The following MINDY3 variants were observed in gnomAD, a reference collection of about 807,000 sequenced individuals.
MINDY3 encodes ubiquitin carboxyl-terminal hydrolase MINDY-3.
In MINDY3, 38 loss-of-function variants were observed where a neutral mutation model predicts 69.2. That is an observed-to-expected ratio of 0.55 (90% CI 0.42 to 0.72). The LOEUF is 0.72. Ranked by LOEUF, MINDY3 falls within the 30% of genes least tolerant of loss-of-function variation. The pLI is 0.00. For missense variants in MINDY3, 522 were observed against 519.0 expected (o/e 1.01, Z -0.06); for synonymous variants, 192 against 180.1 (o/e 1.07, Z -0.53).
chr10:15,828,415 T>C (rs913366305), intron 8 of MINDY3, among the ~76,000 whole-genome samples: 4 of 152,042 alleles, frequency 2.6e-5, no homozygotes, highest in Non-Finnish European at 4.4e-5. Flanking sequence ...AGGGCTGGCG[T>C]GGAAGGAAGT....
In MINDY3 at chr10:15,819,167, C is replaced by A. The variant is rs566651152; in HGVS notation, c.802-2252G>T. Reference sequence around the variant, plus strand: ...AAATGATATTGCAAAATGTTAATTTCATCTTTAAAGGGAAATCTGCTACAC... The same window carrying A: ...AAATGATATTGCAAAATGTTAATTTAATCTTTAAAGGGAAATCTGCTACAC... On this transcript the variant is annotated intron_variant, in intron 9 of 14. Coordinates refer to ENST00000277632, the MANE Select transcript of MINDY3 (RefSeq NM_024948.4). Among the ~76,000 whole-genome samples, 11 of 152,168 alleles carry A rather than the reference C, an allele frequency of 7.2e-5. No homozygotes were observed. In the East Asian group the frequency reaches 2.1e-3, roughly 29 times the overall value.
At chr10:15,784,581 C>G (rs143370888) in intron 13 of MINDY3, among the ~76,000 whole-genome samples, 2 of 152,228 alleles carry the variant, frequency 1.3e-5, no homozygotes, top group East Asian at 3.9e-4. Flanking sequence ...CCCATCTCTA[C>G]TAAGGATACA....
At chr10:15,818,971 A>G (rs1346652338) in intron 9 of MINDY3, among the ~76,000 whole-genome samples, 1 of 147,420 alleles carries the variant, frequency 6.8e-6, no homozygotes, top group Non-Finnish European at 1.5e-5. Context: ...TAAAATGGTG[A>G]ATCTCCTGGT....
At chr10:15,853,986 G>C (rs922256558) in intron 1 of MINDY3, among the ~76,000 whole-genome samples, 4 of 152,130 alleles carry the variant, frequency 2.6e-5, no homozygotes, top group Middle Eastern at 6.8e-3. Flanking sequence ...AGAAACAAAC[G>C]TGACTTCTGG....
At chr10:15,841,718 A>G (rs569124333) in intron 3 of MINDY3, 119 bp from the exon 4 acceptor site, 9 of 537,674 alleles carry the variant, frequency 1.7e-5, no homozygotes, top group Non-Finnish European at 2.5e-5. Flanking sequence ...AAAATGGGGG[A>G]AAAATCTCTA....
chr10:15,851,604 A>T (rs1400966504), intron 1 of MINDY3, among the ~76,000 whole-genome samples: 2 of 151,976 alleles, frequency 1.3e-5, no homozygotes. Context: ...CGTATCTTTA[A>T]CGTGTCCATT....
At chr10:15,802,868 A>G (rs1202697387) in intron 10 of MINDY3, among the ~76,000 whole-genome samples, 3 of 152,144 alleles carry the variant, frequency 2.0e-5, no homozygotes, top group Non-Finnish European at 4.4e-5. Flanking sequence ...ACTAACAGCT[A>G]ATTTGGTCAA....
chr10:15,783,276 C>T (rs1438193179), intron 13 of MINDY3, among the ~76,000 whole-genome samples: 2 of 152,166 alleles, frequency 1.3e-5, no homozygotes, highest in Non-Finnish European at 2.9e-5. Context: ...TTTTCCCCCT[C>T]ACTTATGCCA....
chr10:15,786,687 A>T (rs576152931), intron 12 of MINDY3, 39 bp from the exon 13 acceptor site: 3 of 1,005,740 alleles, frequency 3.0e-6, no homozygotes, highest in East Asian at 2.8e-5. Context: ...ATACCAGAGG[A>T]AAAAAAAAAG....
At chr10:15,780,585 A>G (rs143522168) in intron 14 of MINDY3, among the ~76,000 whole-genome samples, 145 of 152,338 alleles carry the variant, frequency 9.5e-4, no homozygotes, top group Non-Finnish European at 1.7e-3. Context: ...CTGGCGGCTC[A>G]GACTCCATCT....
intron 11 of MINDY3, among the ~76,000 whole-genome samples, chr10:15,789,707 C>G (rs1837268279): frequency 1.3e-5 from 2 of 152,014 alleles, no homozygotes; most frequent in African/African-American, 4.8e-5. Flanking sequence ...TAATTCTTTA[C>G]CAACAAATTC....
intron 12 of MINDY3, chr10:15,788,780 T>A (rs549055788): frequency 6.5e-6 from 1 of 153,324 alleles, no homozygotes; most frequent in African/African-American, 2.4e-5. Context: ...ATTGCAGCCA[T>A]CCCTAAAAGT....
chr10:15,858,316 T>C (rs1047359740), intron 1 of MINDY3, among the ~76,000 whole-genome samples: 1 of 152,216 alleles, frequency 6.6e-6, no homozygotes, highest in Admixed American at 6.5e-5. Context: ...AAAGAATTTC[T>C]GCATGATTAA....
chr10:15,858,870 G>C (rs1465177708), intron 1 of MINDY3, among the ~76,000 whole-genome samples: 1 of 152,124 alleles, frequency 6.6e-6, no homozygotes, highest in African/African-American at 2.4e-5. Flanking sequence ...GTCAAAGTGG[G>C]AAGTGTTAAA....
chr10:15,789,188 G>A, intron 12 of MINDY3, 59 bp downstream of exon 12: 1 of 1,376,036 alleles, frequency 7.3e-7, no homozygotes, highest in Non-Finnish European at 1.0e-6. Flanking sequence ...TGTACAATAT[G>A]TCTTAAACTT....
At chr10:15,815,202 C>T (rs1263086065) in intron 10 of MINDY3, among the ~76,000 whole-genome samples, 1 of 152,108 alleles carries the variant, frequency 6.6e-6, no homozygotes, top group Non-Finnish European at 1.5e-5. Context: ...TTTTGTAGTT[C>T]ACATTGTGCT....
chr10:15,833,578 C>T, intron 8 of MINDY3, 52 bp downstream of exon 8: 1 of 1,141,532 alleles, frequency 8.8e-7, no homozygotes, highest in Non-Finnish European at 1.3e-6. Context: ...CAGCTGTATT[C>T]CAATGAAATA....
chr10:15,780,303 A>G (rs1285451569), intron 14 of MINDY3, among the ~76,000 whole-genome samples: 1 of 152,202 alleles, frequency 6.6e-6, no homozygotes. Context: ...AACGTGAAAT[A>G]CATTTTTTGG....
At chr10:15,789,389 A>G (rs1837242526) in intron 11 of MINDY3, 70 bp from the exon 12 acceptor site, 3 of 1,188,310 alleles carry the variant, frequency 2.5e-6, no homozygotes, top group Middle Eastern at 3.9e-4. Context: ...AATGCTGATC[A>G]GGTTCCAGGA....
Sources: gnomAD v4.1 joint callset for allele counts (sites outside exome capture counted in the v4.1 genomes callset) on GRCh38, gnomAD v4.1.1 for gene constraint, MANE v1.5 for transcripts, NCBI Gene and HGNC (gene_info 2026-07-23, HGNC 2026-07-21) for gene names.